TSPYL5: variants seen among roughly 807,000 people sequenced by gnomAD.
The protein encoded by TSPYL5 is TSPY like 5.
For synonymous variants in TSPYL5, 276 were observed against 236.1 expected (o/e 1.17, Z -1.55); for missense variants, 556 against 555.5 (o/e 1.00, Z -0.01).
chr8:97,275,709 A>G lies in TSPYL5; in HGVS notation c.*882T>C, dbSNP rs976243632. On this transcript the variant is annotated 3_prime_UTR_variant, in exon 1 of 1. Transcript: ENST00000322128. Reference sequence around the variant, plus strand: ...CAGCCCGCCCATCAGTCTGGCAGCCAGTAGGGTTCCTGGAAAGCTGGGGAG... The same window carrying G: ...CAGCCCGCCCATCAGTCTGGCAGCCGGTAGGGTTCCTGGAAAGCTGGGGAG... The G allele has an allele frequency of 6.6e-6, 1 of 152,474 alleles. No individual in the cohort carries two copies. The highest frequency in any genetic ancestry group is 1.5e-5 in the Non-Finnish European group (1 of 68,200). 9.4% of individuals were successfully genotyped at this position (152,474 alleles called of 1,614,324 possible). A position where few individuals can be genotyped will look rare whatever the true frequency, so the allele number is the denominator to read the frequency against.
At position 97,276,694 on chromosome 8, in the gene TSPYL5, C is replaced by T. The variant is rs375070992; in HGVS notation, c.1151G>A (p.Ser384Asn). ...TCCTTTCTCTACACGAGCCCCTTCA[C>T]TCAAAAGGTAGAACTGCAAGGGATT... The part of the protein sequence containing the change: ...WPNPLQFYLL[S>N]EGARVEKGKE... The change falls in exon 1 of 1, where the codon AGT (serine) becomes AAT (asparagine). Residue 384 changes from serine (S) to asparagine (N), a missense_variant. Coordinates refer to ENST00000322128, the MANE Select transcript of TSPYL5 (RefSeq NM_033512.3). 4 of 1,614,082 alleles carry T rather than the reference C, an allele frequency of 2.5e-6. No homozygotes were observed. In the African/African-American group the frequency reaches 5.3e-5, roughly 22 times the overall value.
rs980707762 is a variant in TSPYL5, at chr8:97,274,795, T to A, written c.*1796A>T. 4 of 151,998 alleles carry A rather than the reference T, an allele frequency of 2.6e-5. No individual in the cohort carries two copies. Among genetic ancestry groups the A allele is most frequent in the African/African-American group, 7.2e-5 (3 of 41,384 alleles). The allele number at this position is 151,998 out of a possible 1,614,324, so 9.4% of individuals were successfully genotyped here. ...AGTCCTTCTTACCCACCCTCAGGGA[T>A]AAGAGAGGGAAAGGCCCAGCTCTGC... On this transcript the variant is annotated 3_prime_UTR_variant, in exon 1 of 1. Transcript: ENST00000322128.
rs759317928 is a variant in TSPYL5, at chr8:97,277,511, G to C, written c.334C>G (p.Leu112Val). 3 of 1,521,960 alleles carry C rather than the reference G, an allele frequency of 2.0e-6. No homozygotes were observed. The highest frequency in any genetic ancestry group is 2.6e-6 in the Non-Finnish European group (3 of 1,139,780). The allele number at this position is 1,521,960 out of a possible 1,614,324, so 94.3% of individuals were successfully genotyped here. Residue 112 changes from leucine (L) to valine (V), a missense_variant, in exon 1 of 1, where the codon CTC becomes GTC. Leu to Val is a conservative substitution (Grantham distance 32, BLOSUM62 1). Coordinates refer to ENST00000322128, the MANE Select transcript of TSPYL5 (RefSeq NM_033512.3). This position sits in a 1 kb window ranked among gnomAD's most constrained non-coding sequence, Gnocchi z 4.5. ...ARPGPGKAAS[L>V]SERLAADTVF... ...GTGTCTGCGGCCAGGCGCTCCGAGAGAGATGCGGCCTTCCCCGGGCCGGGC... is the reference window on the plus strand; with the variant it reads ...GTGTCTGCGGCCAGGCGCTCCGAGACAGATGCGGCCTTCCCCGGGCCGGGC...
chr8:97,276,832 G>C lies in TSPYL5; in HGVS notation c.1013C>G (p.Ser338Cys), dbSNP rs754228329. ...IQWLPGHDLQ[S>C]LSQGNPENNR... The stretch of plus-strand genomic sequence containing the variant: ...GTTTTCTGGGTTTCCCTGGCTTAGG[G>C]ACTGGAGATCATGCCCTGGGAGCCA... Residue 338 changes from serine (S) to cysteine (C), a missense_variant, in exon 1 of 1, where the codon TCC (serine) becomes TGC (cysteine). Ser to Cys is a moderately radical substitution (Grantham distance 112, BLOSUM62 -1). Transcript: ENST00000322128. 12 of 1,614,072 alleles carry C rather than the reference G, an allele frequency of 7.4e-6. No homozygotes were observed. The highest frequency in any genetic ancestry group is 9.3e-6 in the Non-Finnish European group (11 of 1,180,046).
In TSPYL5 at chr8:97,276,850, G is replaced by A; in HGVS notation, c.995C>T (p.Pro332Leu). ...VSRSTPIQWL[P>L]GHDLQSLSQG... ...GCTTAGGGACTGGAGATCATGCCCT[G>A]GGAGCCACTGGATTGGAGTAGAACG... is the stretch of plus-strand genomic sequence containing the variant. The change falls in exon 1 of 1, where the codon CCA (proline) becomes CTA (leucine). Residue 332 changes from proline to leucine, a missense_variant. Coordinates refer to ENST00000322128, the MANE Select transcript of TSPYL5 (RefSeq NM_033512.3). 6.2e-7 allele frequency: 1 copy of A among 1,614,168 alleles called. No homozygotes were observed.
rs752579410 is a variant in TSPYL5, at chr8:97,277,002, T to C, written c.843A>G (p.Glu281=). The change falls in exon 1 of 1, where the codon GAA becomes GAG. Residue 281 remains glutamate, a synonymous_variant. Transcript: ENST00000322128. The surrounding 1 kb of genome is among the most constrained non-coding windows in gnomAD (Gnocchi z 4.5). Reference sequence around the variant, plus strand: ...ATCTGGCAAGGCCGAGCTCTTCCACTTCCAAGCTGTTTAAGTAGCTCAGTA... The same window carrying C: ...ATCTGGCAAGGCCGAGCTCTTCCACCTCCAAGCTGTTTAAGTAGCTCAGTA... ...KEVLSYLNSL[E]VEELGLARLG... The C allele has an allele frequency of 1.2e-6, 2 of 1,614,218 alleles. No individual in the cohort carries two copies. The highest frequency in any genetic ancestry group is 4.5e-5 in the East Asian group (2 of 44,876).
chr8:97,277,290 C>T lies in TSPYL5; in HGVS notation c.555G>A (p.Lys185=), dbSNP rs1391872759. 1.2e-6 allele frequency: 2 copies of T among 1,613,360 alleles called. No individual in the cohort carries two copies. The highest frequency in any genetic ancestry group is 1.7e-5 in the Admixed American group (1 of 60,008). Residue 185 remains lysine (K), a synonymous_variant, in exon 1 of 1, where the codon AAG becomes AAA. Coordinates refer to ENST00000322128, the MANE Select transcript of TSPYL5 (RefSeq NM_033512.3). This position sits in a 1 kb window ranked among gnomAD's most constrained non-coding sequence, Gnocchi z 4.5. ...ENTSVSAGEE[K]KEERDAGSGP... Reference sequence around the variant, plus strand: ...CCGACCCTGCATCCCTCTCTTCCTTCTTTTCCTCCCCAGCTGACACCGAGG... The same window carrying T: ...CCGACCCTGCATCCCTCTCTTCCTTTTTTTCCTCCCCAGCTGACACCGAGG...
At position 97,277,738 on chromosome 8, in the gene TSPYL5, G is replaced by C; in HGVS notation, c.107C>G (p.Pro36Arg). ...RPAPDDAPRD[P>R]DPSQYQSLGE... is the part of the protein sequence containing the mutation. ...GAGACTCTGGTACTGTGAAGGGTCC[G>C]GGTCGCGCGGGGCGTCGTCCGGAGC... The change falls in exon 1 of 1, where the codon CCG (proline) becomes CGG (arginine). Residue 36 changes from proline (P) to arginine (R), a missense_variant. Physicochemically the swap from Pro to Arg is moderately radical, Grantham distance 103 (BLOSUM62 -2). Coordinates refer to ENST00000322128, the MANE Select transcript of TSPYL5 (RefSeq NM_033512.3). This position sits in a 1 kb window ranked among gnomAD's most constrained non-coding sequence, Gnocchi z 4.5. 6.4e-7 allele frequency: 1 copy of C among 1,552,666 alleles called. No homozygotes were observed. Among genetic ancestry groups the C allele is most frequent in the Non-Finnish European group, 8.7e-7 (1 of 1,152,396 alleles).
chr8:97,273,931 G>A lies in TSPYL5; in HGVS notation c.*2660C>T, dbSNP rs575504285. 3.3e-5 allele frequency: 5 copies of A among 152,240 alleles called. No homozygotes were observed. The highest frequency in any genetic ancestry group is 7.4e-5 in the Non-Finnish European group (5 of 68,014). The allele number at this position is 152,240 out of a possible 1,614,324, so 9.4% of individuals were successfully genotyped here. On this transcript the variant is annotated 3_prime_UTR_variant, in exon 1 of 1. Transcript: ENST00000322128. ...AAACACATTTCTAAGGCCCATCTCT[G>A]GAACTTCATTAGTTAACATTAAAAG...
At position 97,276,923 on chromosome 8, in the gene TSPYL5, C is replaced by T; in HGVS notation, c.922G>A (p.Val308Met). ...FDRNPYFQNK[V>M]LIKEYGCGPS... The stretch of plus-strand genomic sequence containing the variant: ...CCACACCCATATTCCTTGATGAGCA[C>T]CTTATTTTGGAAATACGGGTTGCGA... The change falls in exon 1 of 1, where the codon GTG (valine) becomes ATG (methionine). Residue 308 changes from valine to methionine, a missense_variant. Transcript: ENST00000322128. 1 of 1,614,158 alleles carries T rather than the reference C, an allele frequency of 6.2e-7. No homozygotes were observed. Among genetic ancestry groups the T allele is most frequent in the Non-Finnish European group, 8.5e-7 (1 of 1,180,038 alleles).
Position 97,277,059 on chromosome 8 carries a change from T to C in TSPYL5, c.786A>G (p.Leu262=). The C allele has an allele frequency of 6.2e-7, 1 of 1,614,018 alleles. No homozygotes were observed. The highest frequency in any genetic ancestry group is 1.3e-5 in the African/African-American group (1 of 75,062). The change falls in exon 1 of 1, where the codon CTA becomes CTG. Residue 262 remains leucine (L), a synonymous_variant. Coordinates refer to ENST00000322128, the MANE Select transcript of TSPYL5 (RefSeq NM_033512.3). The surrounding 1 kb of genome is among the most constrained non-coding windows in gnomAD (Gnocchi z 4.5). ...WGQAFQNHPQ[L]ASFLNSQEKE... is the part of the protein sequence containing the mutation. ...TCTCTTGGCTATTCAGAAAGGATGC[T>C]AGCTGGGGATGGTTCTGAAATGCTT...
Position 97,275,194 on chromosome 8 carries a change from G to C in TSPYL5, c.*1397C>G, listed in dbSNP as rs1272590442. 1 of 152,176 alleles carries C rather than the reference G, an allele frequency of 6.6e-6. No individual in the cohort carries two copies. Among genetic ancestry groups the C allele is most frequent in the East Asian group, 1.9e-4 (1 of 5,184 alleles). 9.4% of individuals were successfully genotyped at this position (152,176 alleles called of 1,614,324 possible). ...AACTGTAGAGCAAGCGCAGGAGACA[G>C]GTTCAGGGTTTGCCAGCAGATCCAC... is the stretch of plus-strand genomic sequence containing the variant. On this transcript the variant is annotated 3_prime_UTR_variant, in exon 1 of 1. Coordinates refer to ENST00000322128, the MANE Select transcript of TSPYL5 (RefSeq NM_033512.3).
At position 97,277,190 on chromosome 8, in the gene TSPYL5, C is replaced by T; in HGVS notation, c.655G>A (p.Ala219Thr). 6.2e-7 allele frequency: 1 copy of T among 1,612,700 alleles called. No homozygotes were observed. The change falls in exon 1 of 1, where the codon GCG becomes ACG. Residue 219 changes from alanine (A) to threonine (T), a missense_variant. Coordinates refer to ENST00000322128, the MANE Select transcript of TSPYL5 (RefSeq NM_033512.3). The surrounding 1 kb of genome is among the most constrained non-coding windows in gnomAD (Gnocchi z 4.5). ...GAGAGCCGAAGGTAGGCCCTGTCCG[C>T]CTGGGCGTTCATGTTCTCCAGCTTC... ...QLKLENMNAQ[A>T]DRAYLRLSRK...
chr8:97,277,399 G>A lies in TSPYL5; in HGVS notation c.446C>T (p.Ala149Val), dbSNP rs1295176605. Residue 149 changes from alanine (A) to valine (V), a missense_variant, in exon 1 of 1, where the codon GCC (alanine) becomes GTC (valine). Physicochemically the swap from Ala to Val is moderately conservative, Grantham distance 64. Coordinates refer to ENST00000322128, the MANE Select transcript of TSPYL5 (RefSeq NM_033512.3). This position sits in a 1 kb window ranked among gnomAD's most constrained non-coding sequence, Gnocchi z 4.5. Reference protein sequence around the residue: ...GNRRGPAGKKAPETCSTAGRG... With the variant: ...GNRRGPAGKKVPETCSTAGRG... ...CCCCGCGGTGCTACAGGTTTCTGGG[G>A]CCTTCTTCCCGGCAGGGCCACGCCG... 1.3e-6 allele frequency: 2 copies of A among 1,583,222 alleles called. No homozygotes were observed. The highest frequency in any genetic ancestry group is 1.9e-5 in the Admixed American group (1 of 54,014).
At position 97,277,650 on chromosome 8, in the gene TSPYL5, A is replaced by G; in HGVS notation, c.195T>C (p.Ala65=). ...CGAGCCGGAGGAGCTGCGCGGACGC[A>G]GCGGCTTCCAGGCCACCCCACCCCG... ...AGAGWGGLEA[A]ASAQLLRLGE... Residue 65 remains alanine (A), a synonymous_variant, in exon 1 of 1, where the codon GCT becomes GCC. Transcript: ENST00000322128. The surrounding 1 kb of genome is among the most constrained non-coding windows in gnomAD (Gnocchi z 4.5). 6.8e-7 allele frequency: 1 copy of G among 1,466,268 alleles called. No homozygotes were observed. The highest frequency in any genetic ancestry group is 2.9e-5 in the East Asian group (1 of 34,720). 90.8% of individuals were successfully genotyped at this position (1,466,268 alleles called of 1,614,324 possible).
Position 97,277,100 on chromosome 8 carries a change from G to C in TSPYL5, c.745C>G (p.Pro249Ala), listed in dbSNP as rs745523497. 6.2e-7 allele frequency: 1 copy of C among 1,612,008 alleles called. No homozygotes were observed. The highest frequency in any genetic ancestry group is 1.7e-5 in the Admixed American group (1 of 60,020). ...TGAAATGCTTGCCCCCAGAAGCCCG[G>C]GATATTTTGGATGAGGTGGTTCCTG... ...ERRNHLIQNI[P>A]GFWGQAFQNH... The change falls in exon 1 of 1, where the codon CCG becomes GCG. Residue 249 changes from proline to alanine, a missense_variant. Transcript: ENST00000322128. The surrounding 1 kb of genome is among the most constrained non-coding windows in gnomAD (Gnocchi z 4.5).
chr8:97,277,558 TC>T lies in TSPYL5; in HGVS notation c.286del (p.Asp96ThrfsTer68). 1.4e-6 allele frequency: 2 copies of T among 1,469,112 alleles called. No individual in the cohort carries two copies. The highest frequency in any genetic ancestry group is 1.4e-5 in the South Asian group (1 of 70,882). The allele number at this position is 1,469,112 out of a possible 1,614,324, so 91.0% of individuals were successfully genotyped here. On this transcript the variant is annotated frameshift_variant, in exon 1 of 1. Coordinates refer to ENST00000322128, the MANE Select transcript of TSPYL5 (RefSeq NM_033512.3). LOFTEE classifies it low-confidence loss of function (END_TRUNC). The surrounding 1 kb of genome is among the most constrained non-coding windows in gnomAD (Gnocchi z 4.5). ...GLALRARAAG[D>X]HGQAAARPGP... ...GGGCCTGGCCGCGGCCTGCCCGTGG[TC>T]CCCCGCAGCTCGGGCCCGCAGCGCG...
rs1269271876 is a variant in TSPYL5 at position 97,275,305 on chromosome 8, G to C, written c.*1286C>G. The stretch of plus-strand genomic sequence containing the variant: ...TCAGCTACCTCCCCAGCTGTATGTA[G>C]AAAAATGTGGTTTTTCAGTTGTTTT... On this transcript the variant is annotated 3_prime_UTR_variant, in exon 1 of 1. Transcript: ENST00000322128. 1.3e-5 allele frequency: 2 copies of C among 151,804 alleles called. No individual in the cohort carries two copies. The highest frequency in any genetic ancestry group is 2.9e-5 in the Non-Finnish European group (2 of 67,986). The allele number at this position is 151,804 out of a possible 1,614,324, so 9.4% of individuals were successfully genotyped here. A position where few individuals can be genotyped will look rare whatever the true frequency, so the allele number is the denominator to read the frequency against.
In TSPYL5 at chr8:97,273,992, C is replaced by A. The variant is rs1002112569; in HGVS notation, c.*2599G>T. 6.6e-6 allele frequency: 1 copy of A among 151,970 alleles called. No homozygotes were observed. The highest frequency in any genetic ancestry group is 2.1e-4 in the South Asian group (1 of 4,820). 9.4% of individuals were successfully genotyped at this position (151,970 alleles called of 1,614,324 possible). ...ACCTGATGTGATTATGATAGTGCAC[C>A]CCATCACTATCACCATCAAAAGAGA... is the stretch of plus-strand genomic sequence containing the variant. On this transcript the variant is annotated 3_prime_UTR_variant, in exon 1 of 1. Transcript: ENST00000322128.
Sources: allele counts gnomAD v4.1 joint callset, GRCh38; gene constraint gnomAD v4.1.1; non-coding constraint Gnocchi (gnomAD v3.1); transcripts MANE v1.5; gene names NCBI Gene and HGNC (gene_info 2026-07-23, HGNC 2026-07-21).